ATP8A1: variants seen among roughly 807,000 people sequenced by gnomAD.
ATP8A1 encodes phospholipid-transporting ATPase IA.
In ATP8A1, 90 loss-of-function variants were observed where a neutral mutation model predicts 177.7. The observed-to-expected ratio is 0.51, with a 90% CI of 0.43 to 0.60. ATP8A1 has a LOEUF of 0.60. Ranked by LOEUF, ATP8A1 falls within the 20% of genes least tolerant of loss-of-function variation. ATP8A1 has a pLI of 0.00. For missense variants in ATP8A1, 1,072 were observed against 1,392.8 expected (o/e 0.77, Z 3.67); for synonymous variants, 493 against 485.9 (o/e 1.01, Z -0.19).
At chr4:42,537,797 G>T (rs1727996960) in intron 20 of ATP8A1, among the ~76,000 whole-genome samples, 1 of 152,168 alleles carries the variant, frequency 6.6e-6, no homozygotes, top group East Asian at 1.9e-4. Flanking sequence ...CCATGCTCAT[G>T]GATGGGTACA....
intron 25 of ATP8A1, chr4:42,471,741 C>G: frequency 2.6e-6 from 1 of 378,828 alleles, no homozygotes; most frequent in Non-Finnish European, 5.0e-6. Context: ...TAGCACTGTA[C>G]TCAGCACAAG....
At chr4:42,565,286 TCTG>T (rs2109304511) in intron 15 of ATP8A1, among the ~76,000 whole-genome samples, 1 of 152,346 alleles carries the variant, frequency 6.6e-6, no homozygotes, top group South Asian at 2.1e-4. Flanking sequence ...AAATAAACTA[TCTG>T]CCAAGGTGAC....
intron 17 of ATP8A1, 29 bp from the exon 18 acceptor site, chr4:42,551,309 C>T: frequency 6.6e-7 from 1 of 1,511,842 alleles, no homozygotes; most frequent in Non-Finnish European, 9.2e-7. Flanking sequence ...TAAAAGCAAA[C>T]ACATGATTGA....
intron 20 of ATP8A1, among the ~76,000 whole-genome samples, chr4:42,538,710 C>T (rs990114079): frequency 6.6e-6 from 1 of 152,132 alleles, no homozygotes; most frequent in African/African-American, 2.4e-5. Flanking sequence ...CAATGTGATA[C>T]CACCTTACTC....
At chr4:42,638,235 T>A (rs999655526) in intron 1 of ATP8A1, among the ~76,000 whole-genome samples, 1 of 152,242 alleles carries the variant, frequency 6.6e-6, no homozygotes, top group Non-Finnish European at 1.5e-5. Context: ...GTAAATGACA[T>A]GTTTCTTTAA....
chr4:42,567,431 C>T (rs1394243559), intron 15 of ATP8A1, among the ~76,000 whole-genome samples: 2 of 151,912 alleles, frequency 1.3e-5, no homozygotes, highest in African/African-American at 2.4e-5. Context: ...CCCAGCTACT[C>T]GGGAGGCTGA....
chr4:42,558,450 T>C (rs1730476062), intron 15 of ATP8A1, among the ~76,000 whole-genome samples: 2 of 152,314 alleles, frequency 1.3e-5, no homozygotes, highest in East Asian at 3.9e-4. Context: ...ACCCACAATG[T>C]CATATAATTT....
chr4:42,446,072 C>T (rs1321038415), intron 31 of ATP8A1, among the ~76,000 whole-genome samples: 4 of 74,120 alleles, frequency 5.4e-5, no homozygotes, highest in Non-Finnish European at 8.3e-5. Flanking sequence ...AAGAGTGAAA[C>T]GCCCTCTCAA....
Position 42,574,853 on chromosome 4 carries a change from A to G in ATP8A1, c.1207-146T>C. 3 of 594,600 alleles carry G rather than the reference A, an allele frequency of 5.0e-6. No individual in the cohort carries two copies. In the South Asian group the frequency reaches 6.7e-5, roughly 13 times the overall value. The allele number at this position is 594,600 out of a possible 1,614,324, so 36.8% of individuals were successfully genotyped here. A position where few individuals can be genotyped will look rare whatever the true frequency, so the allele number is the denominator to read the frequency against. Reference sequence around the variant, plus strand: ...ATTTTCTGCCCATTTATCAAGGAATATATTCAGCTTTTTAAAAAGTATTTT... The same window carrying G: ...ATTTTCTGCCCATTTATCAAGGAATGTATTCAGCTTTTTAAAAAGTATTTT... On this transcript the variant is annotated intron_variant, in intron 13 of 36. Coordinates refer to ENST00000381668, the MANE Select transcript of ATP8A1 (RefSeq NM_006095.2).
rs1737837320 is a variant in ATP8A1 at position 42,624,559 on chromosome 4, T to G, written c.340A>C (p.Ile114Leu). The change falls in exon 4 of 37, where the codon ATC (isoleucine) becomes CTC (leucine). Residue 114 changes from isoleucine (I) to leucine (L), a missense_variant. By Grantham distance (5) the Ile-to-Leu change is conservative. This residue lies in a region of ATP8A1 where 344 missense variants were observed against 393.5 expected (regional missense o/e 0.87). Transcript: ENST00000381668. ...PLLFILAVAA[I>L]KEIIEDIKRH... ...ACAATATCTTCTATTATCTCTTTGATAGCTGCCACAGCTAAAATAAATAAG... is the reference window on the plus strand; with the variant it reads ...ACAATATCTTCTATTATCTCTTTGAGAGCTGCCACAGCTAAAATAAATAAG... 2.0e-6 allele frequency: 3 copies of G among 1,492,716 alleles called. No individual in the cohort carries two copies. The highest frequency in any genetic ancestry group is 2.2e-5 in the Admixed American group (1 of 45,170). The allele number at this position is 1,492,716 out of a possible 1,614,324, so 92.5% of individuals were successfully genotyped here.
chr4:42,558,900 T>C (rs1017127632), intron 15 of ATP8A1, among the ~76,000 whole-genome samples: 16 of 152,190 alleles, frequency 1.1e-4, no homozygotes, highest in Non-Finnish European at 2.4e-4. Context: ...ACAGGCCGGG[T>C]GCAGTAGCTC....
intron 1 of ATP8A1, among the ~76,000 whole-genome samples, chr4:42,652,524 C>T (rs1279960167): frequency 2.6e-5 from 4 of 152,092 alleles, no homozygotes; most frequent in African/African-American, 9.7e-5. Flanking sequence ...CTCTCCTGCC[C>T]TATGTTTACT....
chr4:42,564,393 A>G (rs1443743062), intron 15 of ATP8A1, among the ~76,000 whole-genome samples: 1 of 152,172 alleles, frequency 6.6e-6, no homozygotes, highest in Non-Finnish European at 1.5e-5. Context: ...AGCCTGTGAA[A>G]GCAGCCAGGA....
chr4:42,443,509 T>TA (rs927840685), intron 33 of ATP8A1, 56 bp downstream of exon 33: 8 of 778,124 alleles, frequency 1.0e-5, no homozygotes, highest in Admixed American at 5.9e-5. Flanking sequence ...TAAGGTTTGC[T>TA]AAAAAATACC....
chr4:42,435,450 C>CAAAAAAAAAAAAAA (rs11306070), intron 33 of ATP8A1, among the ~76,000 whole-genome samples: 1 of 116,970 alleles, frequency 8.5e-6, no homozygotes, highest in African/African-American at 3.3e-5. Flanking sequence ...AAAAAAAAAA[C>CAAAAAAAAAAAAAA]AAAAAAAAAA....
chr4:42,459,777 A>T (rs181768828), intron 27 of ATP8A1, among the ~76,000 whole-genome samples: 1 of 135,468 alleles, frequency 7.4e-6, no homozygotes. Flanking sequence ...ATATTAGGTT[A>T]TTTTTTTAAT....
chr4:42,625,861 C>A, intron 2 of ATP8A1, 148 bp from the exon 3 acceptor site: 3 of 449,020 alleles, frequency 6.7e-6, no homozygotes, highest in Non-Finnish European at 1.2e-5. Context: ...GGTCATTAAC[C>A]TAAATGAAAA....
intron 24 of ATP8A1, among the ~76,000 whole-genome samples, chr4:42,502,565 G>A (rs1228534959): frequency 6.6e-6 from 1 of 152,154 alleles, no homozygotes; most frequent in Non-Finnish European, 1.5e-5. Flanking sequence ...CGCGTGGCTT[G>A]CCCTGCTTTT....
At chr4:42,512,624 GT>G (rs1468048072) in intron 22 of ATP8A1, among the ~76,000 whole-genome samples, 5 of 152,162 alleles carry the variant, frequency 3.3e-5, no homozygotes, top group Non-Finnish European at 7.4e-5. Flanking sequence ...CCTTACTGGT[GT>G]TTCTCCTAAA....
Sources: gnomAD v4.1 joint callset for allele counts (sites outside exome capture counted in the v4.1 genomes callset) on GRCh38, gnomAD v4.1.1 for gene constraint, gnomAD v4.1.1 regional missense constraint, MANE v1.5 for transcripts, NCBI Gene and HGNC (gene_info 2026-07-23, HGNC 2026-07-21) for gene names.